TDP1: variants seen among roughly 807,000 people sequenced by gnomAD.
TDP1 encodes tyr-DNA phosphodiesterase 1.
A neutral mutation model predicts 81.5 loss-of-function variants in TDP1; 64 were observed. The observed-to-expected ratio is 0.79, with a 90% confidence interval of 0.64 to 0.97. The LOEUF (loss-of-function observed/expected upper bound fraction) is 0.97. Among genes scored for constraint, TDP1 ranks in the 50% least tolerant of loss-of-function variants. The probability of loss-of-function intolerance (pLI) is 0.00; values close to 1 mark genes in which losing one functional copy is unlikely to be tolerated. For missense variants in TDP1, 723 were observed against 743.8 expected (o/e 0.97, Z 0.33); for synonymous variants, 256 against 264.3 (o/e 0.97, Z 0.30).
chr14:89,975,700 T>C, intron 6 of TDP1, 81 bp from the exon 7 acceptor site: 1 of 1,304,986 alleles, frequency 7.7e-7, no homozygotes, highest in East Asian at 2.3e-5. Context: ...AAAGTTGACC[T>C]GATTGCTTTC....
At chr14:90,015,632 G>T (rs1221240948) in intron 14 of TDP1, among the ~76,000 whole-genome samples, 1 of 152,202 alleles carries the variant, frequency 6.6e-6, no homozygotes, top group Non-Finnish European at 1.5e-5. Context: ...CCAGGTACCG[G>T]TGAGGGCCTT....
intron 14 of TDP1, among the ~76,000 whole-genome samples, chr14:89,998,420 A>ATATGTATGTATGTATGTATGTATG (rs757314572): frequency 2.3e-4 from 18 of 79,276 alleles, no homozygotes; most frequent in African/African-American, 9.6e-4. Context: ...ATATATATAT[A>ATATGTATGTATGTATGTATGTATG]TATGTATGTA....
chr14:90,012,918 G>C (rs1884884485), intron 14 of TDP1, among the ~76,000 whole-genome samples: 1 of 152,222 alleles, frequency 6.6e-6, no homozygotes, highest in Admixed American at 6.5e-5. Flanking sequence ...GCGTGACCTG[G>C]ATGTGAGACA....
intron 14 of TDP1, 143 bp from the exon 15 acceptor site, chr14:90,019,173 A>G (rs1053525167): frequency 2.2e-5 from 31 of 1,384,728 alleles, no homozygotes; most frequent in African/African-American, 2.9e-5. Flanking sequence ...TCTCTTTTCA[A>G]AAATGCAGCA....
Position 89,975,789 on chromosome 14 carries a change from G to C in TDP1, c.765G>C (p.Leu255Phe). The change falls in exon 7 of 17, where the codon TTG (leucine) becomes TTC (phenylalanine). Residue 255 changes from leucine to phenylalanine, a missense_variant. Transcript: ENST00000335725. Reference protein sequence around the residue: ...YENISLCQAKLDIAFGTHHTK... With the variant: ...YENISLCQAKFDIAFGTHHTK... The stretch of plus-strand genomic sequence containing the variant: ...CTTCTTTTTCATCCTAGGCAAAGTT[G>C]GATATTGCGTTTGGAACACACCACA... 1 of 1,612,642 alleles carries C rather than the reference G, an allele frequency of 6.2e-7. No individual in the cohort carries two copies. The highest frequency in any genetic ancestry group is 8.5e-7 in the Non-Finnish European group (1 of 1,178,752).
At chr14:89,985,720 T>G (rs552357160) in intron 10 of TDP1, among the ~76,000 whole-genome samples, 21 of 152,314 alleles carry the variant, frequency 1.4e-4, no homozygotes, top group East Asian at 5.8e-4. Context: ...TCTTTTTAGG[T>G]GGTTTACTGA....
At chr14:89,967,509 C>A in intron 5 of TDP1, 87 bp downstream of exon 5, 2 of 1,164,562 alleles carry the variant, frequency 1.7e-6, no homozygotes, top group Non-Finnish European at 2.6e-6. Flanking sequence ...GAAAGCCACT[C>A]ATCTTTTGAG....
intron 7 of TDP1, among the ~76,000 whole-genome samples, chr14:89,976,918 C>A (rs898967860): frequency 1.3e-5 from 2 of 152,066 alleles, no homozygotes. Flanking sequence ...CTTTGGGAGG[C>A]CAAGGTGGGT....
At chr14:90,026,462 CT>C (rs1194221305) in intron 15 of TDP1, among the ~76,000 whole-genome samples, 1 of 152,118 alleles carries the variant, frequency 6.6e-6, no homozygotes, top group Non-Finnish European at 1.5e-5. Context: ...AATTTATTTT[CT>C]TTTTTTTATT....
At chr14:89,972,382 T>G (rs906039423) in intron 6 of TDP1, among the ~76,000 whole-genome samples, 5 of 152,194 alleles carry the variant, frequency 3.3e-5, no homozygotes, top group African/African-American at 1.2e-4. Context: ...TCCACCCCCA[T>G]GATCCAATCA....
At chr14:90,037,844 G>A (rs995175918) in intron 16 of TDP1, among the ~76,000 whole-genome samples, 3 of 152,320 alleles carry the variant, frequency 2.0e-5, no homozygotes, top group Admixed American at 6.5e-5. Context: ...AAAAGAGAAA[G>A]TTCATGCATT....
At chr14:89,969,609 T>A (rs1893362862) in intron 5 of TDP1, among the ~76,000 whole-genome samples, 1 of 152,222 alleles carries the variant, frequency 6.6e-6, no homozygotes, top group Non-Finnish European at 1.5e-5. Context: ...CTGTTTTTCT[T>A]ACCTAATTTC....
chr14:90,009,778 G>C (rs1302185493), intron 14 of TDP1, among the ~76,000 whole-genome samples: 1 of 152,186 alleles, frequency 6.6e-6, no homozygotes, highest in East Asian at 1.9e-4. Context: ...GTAAGACTGT[G>C]ATATCAGCAT....
intron 16 of TDP1, among the ~76,000 whole-genome samples, chr14:90,039,092 A>G (rs888992002): frequency 3.9e-5 from 6 of 152,206 alleles, no homozygotes; most frequent in African/African-American, 7.2e-5. Flanking sequence ...TTCTTTTGAA[A>G]TAAATAAGTA....
At chr14:89,988,593 A>C (rs1184801808) in intron 10 of TDP1, 6 of 981,482 alleles carry the variant, frequency 6.1e-6, no homozygotes, top group Non-Finnish European at 7.3e-6. Flanking sequence ...ATTTCATATG[A>C]CAAGTTGGTG....
At chr14:90,003,614 A>C (rs1458902179) in intron 14 of TDP1, among the ~76,000 whole-genome samples, 2 of 152,210 alleles carry the variant, frequency 1.3e-5, no homozygotes, top group East Asian at 3.9e-4. Flanking sequence ...TGTAATTGGC[A>C]AACCCAATGA....
intron 12 of TDP1, among the ~76,000 whole-genome samples, chr14:89,991,259 C>T (rs1225477418): frequency 6.6e-6 from 1 of 152,142 alleles, no homozygotes; most frequent in Admixed American, 6.5e-5. Context: ...AAATTATCAT[C>T]ACCAAGTAAT....
intron 10 of TDP1, among the ~76,000 whole-genome samples, chr14:89,986,121 A>G (rs1895527570): frequency 6.6e-6 from 1 of 152,258 alleles, no homozygotes; most frequent in Non-Finnish European, 1.5e-5. Context: ...CCCTTGGTTA[A>G]TGAAACTTTT....
At chr14:90,037,045 C>T (rs1379714063) in intron 16 of TDP1, among the ~76,000 whole-genome samples, 1 of 152,144 alleles carries the variant, frequency 6.6e-6, no homozygotes, top group African/African-American at 2.4e-5. Flanking sequence ...CTCCTGGGCT[C>T]AAGTAGTCAT....
Sources: gnomAD v4.1 joint callset for allele counts (sites outside exome capture counted in the v4.1 genomes callset) on GRCh38, gnomAD v4.1.1 for gene constraint, MANE v1.5 for transcripts, NCBI Gene and HGNC (gene_info 2026-07-23, HGNC 2026-07-21) for gene names.